The following ABI3BP variants were observed in gnomAD, a reference collection of about 807,000 sequenced individuals.
ABI3BP encodes the protein ABI family member 3 binding protein, also known as target of Nesh-SH3.
A neutral mutation model predicts 268.6 loss-of-function variants in ABI3BP; 216 were observed. That is an observed-to-expected ratio of 0.80 (90% CI 0.72 to 0.90). The LOEUF is 0.90. Ranked by LOEUF, ABI3BP falls within the 40% of genes least tolerant of loss-of-function variation. The pLI, the probability that ABI3BP is intolerant of heterozygous loss-of-function variation, is 0.00. For missense variants in ABI3BP, 2,090 were observed against 2,182.4 expected (o/e 0.96, Z 0.84); for synonymous variants, 730 against 730.0 (o/e 1.00, Z 0.00).
intron 1 of ABI3BP, among the ~76,000 whole-genome samples, chr3:100,944,123 C>A (rs971327924): frequency 6.6e-6 from 1 of 152,006 alleles, no homozygotes; most frequent in African/African-American, 2.4e-5. Context: ...TGAGAGAATG[C>A]CAGGCATGAG....
intron 2 of ABI3BP, among the ~76,000 whole-genome samples, chr3:100,906,729 A>T (rs190925643): frequency 3.6e-4 from 55 of 152,354 alleles, no homozygotes; most frequent in African/African-American, 1.3e-3. Context: ...GAGGACAGGG[A>T]CAGTTTACTG....
intron 1 of ABI3BP, among the ~76,000 whole-genome samples, chr3:100,954,961 G>A (rs1246931941): frequency 8.4e-6 from 1 of 119,640 alleles, no homozygotes; most frequent in Non-Finnish European, 1.8e-5. Context: ...TCCCTTTAAT[G>A]TTTTAAATTT....
In ABI3BP at chr3:100,750,018, C is replaced by T. The variant is rs574991633; in HGVS notation, c.*477G>A. ...AAGTTTAAATATAAATGTGAAAATT[C>T]GGACCTTTTTTCCCCAGATATACAT... On this transcript the variant is annotated 3_prime_UTR_variant, in exon 68 of 68. Transcript: ENST00000471714. The T allele has an allele frequency of 3.8e-4, 121 of 314,546 alleles. 1 individual carries two copies. Among genetic ancestry groups the T allele is most frequent in the African/African-American group, 2.1e-3 (98 of 47,244 alleles). The allele number at this position is 314,546 out of a possible 1,614,324, so 19.5% of individuals were successfully genotyped here. A position where few individuals can be genotyped will look rare whatever the true frequency, so the allele number is the denominator to read the frequency against.
intron 1 of ABI3BP, among the ~76,000 whole-genome samples, chr3:100,985,040 C>A (rs2091172884): frequency 4.6e-5 from 7 of 151,716 alleles, no homozygotes; most frequent in Admixed American, 4.6e-4. Context: ...ATCACATCCA[C>A]TGATAAAAGT....
intron 4 of ABI3BP, among the ~76,000 whole-genome samples, chr3:100,888,622 G>C (rs527476354): frequency 6.6e-6 from 1 of 152,152 alleles, no homozygotes; most frequent in African/African-American, 2.4e-5. Flanking sequence ...CTTCACCATG[G>C]TTTAAAAATC....
At position 100,864,880 on chromosome 3, in the gene ABI3BP, G is replaced by T. The variant is rs770062061; in HGVS notation, c.1016C>A (p.Thr339Asn). 4.4e-6 allele frequency: 7 copies of T among 1,608,372 alleles called. No individual in the cohort carries two copies. Among genetic ancestry groups the T allele is most frequent in the Non-Finnish European group, 5.9e-6 (7 of 1,178,240 alleles). ...TAATGCACTAGACGTAGTGGGTTTA[G>T]TGCTTCTTGGAACTGTTTCAGGAGT... ...TVTPETVPRS[T>N]KPTTSSALDV... The change falls in exon 11 of 68, where the codon ACT becomes AAT. Residue 339 changes from threonine (T) to asparagine (N), a missense_variant. Thr to Asn is a moderately conservative substitution (Grantham distance 65). Coordinates refer to ENST00000471714, the MANE Select transcript of ABI3BP (RefSeq NM_001375547.2).
At chr3:100,758,269 AATG>A (rs1446706476) in intron 63 of ABI3BP, among the ~76,000 whole-genome samples, 1 of 152,176 alleles carries the variant, frequency 6.6e-6, no homozygotes, top group Admixed American at 6.5e-5. Flanking sequence ...CTTACATAAA[AATG>A]AGGATAATGC....
intron 9 of ABI3BP, among the ~76,000 whole-genome samples, chr3:100,869,036 TCTC>T (rs1217725521): frequency 1.3e-5 from 2 of 152,074 alleles, no homozygotes; most frequent in African/African-American, 2.4e-5. Context: ...AGTGTTCTCT[TCTC>T]CTTCCAGGGC....
intron 14 of ABI3BP, among the ~76,000 whole-genome samples, chr3:100,855,961 G>A (rs2098935024): frequency 6.6e-6 from 1 of 152,126 alleles, no homozygotes; most frequent in East Asian, 1.9e-4. Flanking sequence ...TCATTAAAAT[G>A]TTCATGAAAT....
chr3:100,795,305 C>G (rs578209936), intron 53 of ABI3BP, among the ~76,000 whole-genome samples: 2 of 152,132 alleles, frequency 1.3e-5, no homozygotes, highest in Admixed American at 1.3e-4. Context: ...GTCCCTCTCT[C>G]CCCCGTTCAA....
chr3:100,764,170 C>T (rs2096138018), intron 63 of ABI3BP, among the ~76,000 whole-genome samples: 1 of 152,238 alleles, frequency 6.6e-6, no homozygotes, highest in Admixed American at 6.5e-5. Flanking sequence ...AATCACCTGA[C>T]TAGCTCCTTC....
At chr3:100,794,053 C>T (rs913904589) in intron 54 of ABI3BP, among the ~76,000 whole-genome samples, 3 of 151,990 alleles carry the variant, frequency 2.0e-5, no homozygotes, top group East Asian at 3.8e-4. Context: ...CCCATCTGTC[C>T]GTAACTTCAA....
chr3:100,900,539 G>A (rs914550569), intron 3 of ABI3BP, among the ~76,000 whole-genome samples: 1 of 152,186 alleles, frequency 6.6e-6, no homozygotes, highest in Non-Finnish European at 1.5e-5. Flanking sequence ...GCCATTTAGA[G>A]ATGAAAGACA....
At chr3:100,840,551 C>A (rs939872243) in intron 22 of ABI3BP, among the ~76,000 whole-genome samples, 3 of 152,166 alleles carry the variant, frequency 2.0e-5, no homozygotes, top group African/African-American at 7.2e-5. Context: ...ATAAATTTTT[C>A]ACTTAGCATT....
At chr3:100,960,287 T>C (rs1461096548) in intron 1 of ABI3BP, among the ~76,000 whole-genome samples, 1 of 152,176 alleles carries the variant, frequency 6.6e-6, no homozygotes, top group Non-Finnish European at 1.5e-5. Context: ...CAGTGCAACA[T>C]GCATGTAATT....
At chr3:100,757,095 C>T (rs9822139) in intron 63 of ABI3BP, among the ~76,000 whole-genome samples, 5,637 of 151,730 alleles carry the variant, frequency 0.037, 359 homozygotes, top group African/African-American at 0.13. Flanking sequence ...AAGTTGAGGA[C>T]ATTTCACAAA....
At chr3:100,862,067 T>C (rs1250332654) in intron 14 of ABI3BP, among the ~76,000 whole-genome samples, 1 of 152,250 alleles carries the variant, frequency 6.6e-6, no homozygotes, top group Non-Finnish European at 1.5e-5. Context: ...TCATAGTTCA[T>C]GTTCTGGCCA....
At chr3:100,935,291 T>C (rs943323487) in intron 1 of ABI3BP, among the ~76,000 whole-genome samples, 3 of 152,156 alleles carry the variant, frequency 2.0e-5, no homozygotes, top group African/African-American at 4.8e-5. Context: ...TGGTTGTAGA[T>C]ATGTGGTGTT....
intron 1 of ABI3BP, among the ~76,000 whole-genome samples, chr3:100,991,297 C>CT (rs34934938): frequency 0.22 from 33,052 of 152,002 alleles, 3,757 homozygotes; most frequent in East Asian, 0.44. Flanking sequence ...AACTTTTACT[C>CT]TTTTTTCTTC....
Sources: allele counts gnomAD v4.1 joint callset (sites outside exome capture counted in the v4.1 genomes callset), GRCh38; gene constraint gnomAD v4.1.1; transcripts MANE v1.5; gene names NCBI Gene and HGNC (gene_info 2026-07-23, HGNC 2026-07-21).